The following SYS1 variants were observed in gnomAD, a reference collection of about 807,000 sequenced individuals.
SYS1 encodes SYS1 golgi trafficking protein, also known as protein SYS1 homolog.
A neutral mutation model predicts 17.8 loss-of-function variants in SYS1; 8 were observed. The observed-to-expected ratio is 0.45, with a 90% CI of 0.26 to 0.81. The LOEUF is 0.81. Ranked by LOEUF, SYS1 falls within the 40% of genes least tolerant of loss-of-function variation. The pLI is 0.16. For missense variants in SYS1, 161 were observed against 203.9 expected (o/e 0.79, Z 1.28); for synonymous variants, 95 against 90.9 (o/e 1.05, Z -0.26).
Position 45,363,180 on chromosome 20 carries a change from G to T in SYS1, c.-139G>T, listed in dbSNP as rs530222610. On this transcript the variant is annotated 5_prime_UTR_variant, in exon 1 of 4. Transcript: ENST00000243918. ...TCTTTCCTACGCAGCCGCTCCTGCC[G>T]CCGTGGTCGCTGGAGCTTTGCCTCT... 9.6e-7 allele frequency: 1 copy of T among 1,046,946 alleles called. No individual in the cohort carries two copies. Among genetic ancestry groups the T allele is most frequent in the Non-Finnish European group, 1.2e-6 (1 of 867,626 alleles). 64.9% of individuals were successfully genotyped at this position (1,046,946 alleles called of 1,614,324 possible). A position where few individuals can be genotyped will look rare whatever the true frequency, so the allele number is the denominator to read the frequency against.
Position 45,365,255 on chromosome 20 carries a change from C to T in SYS1, c.163-364C>T, listed in dbSNP as rs114839450. 1.7e-3 allele frequency: 643 copies of T among 368,964 alleles called. 4 individuals carry two copies. Among genetic ancestry groups the T allele is most frequent in the African/African-American group, 0.011 (547 of 47,660 alleles). The allele number at this position is 368,964 out of a possible 1,614,324, so 22.9% of individuals were successfully genotyped here. ...CAAATATATAAGTGAATAGGTGTGGCTGTGTTTCAATAAAACCTTATGTAC... is the reference window on the plus strand; with the variant it reads ...CAAATATATAAGTGAATAGGTGTGGTTGTGTTTCAATAAAACCTTATGTAC... On this transcript the variant is annotated intron_variant, in intron 2 of 3. Coordinates refer to ENST00000243918, the MANE Select transcript of SYS1 (RefSeq NM_033542.4).
At chr20:45,375,145 G>T (rs2231623) in exon 4 of SYS1, 1 of 1,614,150 alleles carries the variant, frequency 6.2e-7, no homozygotes. Context: ...CCTGGGCGCC[G>T]GGAGGTGGAT....
chr20:45,376,180 C>T (rs1244559157), exon 4 of SYS1: 1 of 152,152 alleles, frequency 6.6e-6, no homozygotes. Flanking sequence ...GAGGCCAAAT[C>T]AGAAAGAGGA....
intron 2 of SYS1, among the ~76,000 whole-genome samples, chr20:45,364,465 CTT>C (rs386393831): frequency 1.0e-4 from 8 of 80,134 alleles, no homozygotes; most frequent in African/African-American, 3.0e-4. Flanking sequence ...GAGCACAGTT[CTT>C]TTTTTTTTTT....
rs1988455761 is a variant in SYS1 at position 45,367,497 on chromosome 20, G to A, written c.*382G>A. The A allele has an allele frequency of 9.7e-7, 1 of 1,026,236 alleles. No individual in the cohort carries two copies. The highest frequency in any genetic ancestry group is 1.2e-6 in the Non-Finnish European group (1 of 858,688). The allele number at this position is 1,026,236 out of a possible 1,614,324, so 63.6% of individuals were successfully genotyped here. On this transcript the variant is annotated 3_prime_UTR_variant, in exon 4 of 4. Transcript: ENST00000243918. ...CTTTAGTCATCTGTCTTACCCCCCT[G>A]GGACAGCTGTTACCTTTGCAGTGTT... is the stretch of plus-strand genomic sequence containing the variant.
At position 45,375,659 on chromosome 20, in the gene SYS1, G is replaced by A; in HGVS notation, c.*1365G>A. On this transcript the variant is annotated 3_prime_UTR_variant, in exon 4 of 4. Coordinates refer to the SYS1 transcript ENST00000426004. ...GGAGCCTGTTAAGAAAGGCTAGAGG[G>A]GCCTGCAAAGAAACTTCTCTACTGC... 1.5e-5 allele frequency: 21 copies of A among 1,405,910 alleles called. 2 individuals carry two copies. In the South Asian group the frequency reaches 2.7e-4, roughly 18 times the overall value. The allele number at this position is 1,405,910 out of a possible 1,614,324, so 87.1% of individuals were successfully genotyped here.
At chr20:45,363,752 C>G in intron 2 of SYS1, 59 bp downstream of exon 2, 1 of 1,511,692 alleles carries the variant, frequency 6.6e-7, no homozygotes, top group Non-Finnish European at 8.9e-7. Flanking sequence ...GCTTTGTGGT[C>G]CATCACTACT....
chr20:45,362,120 T>G, upstream of SYS1: 1 of 730,496 alleles, frequency 1.4e-6, no homozygotes, highest in East Asian at 1.3e-4. Flanking sequence ...GGAAGATAGA[T>G]AAAACAGTCA....
At chr20:45,375,556 G>A (rs751007520) in exon 4 of SYS1, 4 of 1,601,792 alleles carry the variant, frequency 2.5e-6, no homozygotes, top group Non-Finnish European at 3.4e-6. Flanking sequence ...GTTTTCCCTG[G>A]CAGGGAGAGG....
Position 45,374,620 on chromosome 20 carries a change from G to C in SYS1, c.*326G>C, listed in dbSNP as rs922092666. On this transcript the variant is annotated 3_prime_UTR_variant, in exon 4 of 4. Coordinates refer to the SYS1 transcript ENST00000426004. Reference sequence around the variant, plus strand: ...GGCATGAATCAATCAAACATAAATAGAGAGTTGAATTGATCTTAGAGGGAA... The same window carrying C: ...GGCATGAATCAATCAAACATAAATACAGAGTTGAATTGATCTTAGAGGGAA... 11 of 448,548 alleles carry C rather than the reference G, an allele frequency of 2.5e-5. No homozygotes were observed. The Admixed American group carries it at 2.7e-4, about 11-fold the overall frequency. The allele number at this position is 448,548 out of a possible 1,614,324, so 27.8% of individuals were successfully genotyped here.
upstream of SYS1, chr20:45,362,969 T>C (rs1181957449): frequency 2.7e-6 from 1 of 372,276 alleles, no homozygotes; most frequent in Non-Finnish European, 3.7e-6. Flanking sequence ...AATTCCCCTC[T>C]AGAGGGCGCG....
upstream of SYS1, chr20:45,362,114 G>A: frequency 2.6e-6 from 2 of 775,976 alleles, no homozygotes; most frequent in Non-Finnish European, 3.1e-6. Context: ...GGATTTGGAA[G>A]ATAGATAAAA....
downstream of SYS1, chr20:45,373,046 C>G (rs1475219913): frequency 1.3e-5 from 2 of 152,364 alleles, no homozygotes; most frequent in African/African-American, 2.4e-5. Flanking sequence ...GATGGCTCCA[C>G]TGCTCTCCCG....
At position 45,375,203 on chromosome 20, in the gene SYS1, G is replaced by C. The variant is rs1002515434; in HGVS notation, c.*909G>C. On this transcript the variant is annotated 3_prime_UTR_variant, in exon 4 of 4. Transcript: ENST00000426004. ...CAGATCCACTGGTCGGCTACATCCAGCTGCTTCATGTGCCCCATGGGAGTT... is the reference window on the plus strand; with the variant it reads ...CAGATCCACTGGTCGGCTACATCCACCTGCTTCATGTGCCCCATGGGAGTT... 7.4e-6 allele frequency: 12 copies of C among 1,614,106 alleles called. No homozygotes were observed. In the Admixed American group the frequency reaches 1.2e-4, roughly 16 times the overall value.
intron 2 of SYS1, among the ~76,000 whole-genome samples, chr20:45,363,932 A>G (rs1345555874): frequency 6.6e-6 from 1 of 152,230 alleles, no homozygotes; most frequent in East Asian, 1.9e-4. Context: ...TGTTCCAGGC[A>G]ACTCTGATAC....
upstream of SYS1, among the ~76,000 whole-genome samples, chr20:45,362,593 C>G (rs1280754577): frequency 1.3e-5 from 2 of 152,098 alleles, no homozygotes; most frequent in Non-Finnish European, 2.9e-5. Flanking sequence ...CTCGAAACAC[C>G]GACCTCAGGT....
rs1031084500 is a variant in SYS1, at chr20:45,363,537, G to C, written c.6G>C (p.Ala2=). ...GGCTCGTGTCCCTGCAGGGCATGGC[G>C]GGTCAGTTCCGCAGCTACGTGTGGG... M[A]GQFRSYVWDP... The change falls in exon 2 of 4, where the codon GCG becomes GCC. Residue 2 remains alanine, a synonymous_variant. Transcript: ENST00000243918. 1.9e-6 allele frequency: 3 copies of C among 1,558,106 alleles called. No individual in the cohort carries two copies. The highest frequency in any genetic ancestry group is 2.6e-6 in the Non-Finnish European group (3 of 1,152,702).
downstream of SYS1, chr20:45,373,910 T>C: frequency 6.2e-7 from 1 of 1,613,776 alleles, no homozygotes; most frequent in Non-Finnish European, 8.5e-7. Context: ...GAAGATCTTA[T>C]TTGTAGACTC....
Position 45,368,846 on chromosome 20 carries a change from G to C in SYS1, c.*1731G>C, listed in dbSNP as rs536565821. ...AAAGAACACCCATCATGTGGCTGCTGTCACCCTTGACCAGCCGTGGTGGTG... is the reference window on the plus strand; with the variant it reads ...AAAGAACACCCATCATGTGGCTGCTCTCACCCTTGACCAGCCGTGGTGGTG... On this transcript the variant is annotated 3_prime_UTR_variant, in exon 4 of 4. Transcript: ENST00000243918. The C allele has an allele frequency of 1.0e-6, 1 of 985,448 alleles. No individual in the cohort carries two copies. Among genetic ancestry groups the C allele is most frequent in the African/African-American group, 1.7e-5 (1 of 57,356 alleles). 61.0% of individuals were successfully genotyped at this position (985,448 alleles called of 1,614,324 possible). A position where few individuals can be genotyped will look rare whatever the true frequency, so the allele number is the denominator to read the frequency against.
Sources: allele counts gnomAD v4.1 joint callset (sites outside exome capture counted in the v4.1 genomes callset), GRCh38; gene constraint gnomAD v4.1.1; transcripts MANE v1.5; gene names NCBI Gene and HGNC (gene_info 2026-07-23, HGNC 2026-07-21).